U2SURP: variants seen among roughly 807,000 people sequenced by gnomAD.
The protein encoded by U2SURP is U2 snRNP-associated SURP motif-containing protein.
A neutral mutation model predicts 144.9 loss-of-function variants in U2SURP; 9 were observed. The ratio of observed to expected loss-of-function variants is 0.06; its 90% confidence interval spans 0.04 to 0.11. The LOEUF (loss-of-function observed/expected upper bound fraction) is 0.11. Ranked by LOEUF, U2SURP falls within the 10% of genes least tolerant of loss-of-function variation. The pLI, the probability that U2SURP is intolerant of heterozygous loss-of-function variation, is 1.00. For synonymous variants in U2SURP, 408 were observed against 396.8 expected, an observed-to-expected ratio of 1.03 and a Z score of -0.33; for missense variants, 724 against 1,226.7, an observed-to-expected ratio of 0.59 and a Z score of 6.12.
chr3:143,009,638 G>C (rs1279830375), intron 1 of U2SURP, among the ~76,000 whole-genome samples: 1 of 151,890 alleles, frequency 6.6e-6, no homozygotes. Context: ...GATGGGAGGG[G>C]TCCCAGTGCT....
chr3:143,047,537 C>T lies in U2SURP; in HGVS notation c.2545-3402C>T, dbSNP rs1170103762. ...GTAGGGGCGGCCGGGCAGAGGAGCCCCTCACCTCCCGGACGGGGCGGCTGG... is the reference window on the plus strand; with the variant it reads ...GTAGGGGCGGCCGGGCAGAGGAGCCTCTCACCTCCCGGACGGGGCGGCTGG... On this transcript the variant is annotated intron_variant, in intron 24 of 27. Transcript: ENST00000473835. Among the ~76,000 whole-genome samples the T allele has an allele frequency of 5.5e-4, 21 of 38,030 alleles. No homozygotes were observed. The East Asian group carries it at 9.6e-3, about 17-fold the overall frequency. The allele number at this position is 38,030 out of a possible 152,430, so 24.9% of individuals were successfully genotyped here.
At position 143,037,351 on chromosome 3, in the gene U2SURP, A is replaced by C. The variant is rs1433740086; in HGVS notation, c.2221+16A>C. ...GGAGTGCCTTGTAAGTTCAGATTTC[A>C]AACTGATTAAATCTAGCTAATACAT... On this transcript the variant is annotated intron_variant, in intron 21 of 27. Coordinates refer to ENST00000473835, the MANE Select transcript of U2SURP (RefSeq NM_001080415.2). The C allele has an allele frequency of 3.7e-6, 6 of 1,607,248 alleles. No individual in the cohort carries two copies. Among genetic ancestry groups the C allele is most frequent in the Admixed American group, 1.7e-5 (1 of 59,104 alleles).
chr3:143,001,646 A>T lies in U2SURP; in HGVS notation c.18A>T (p.Pro6=), dbSNP rs370308369. 6.2e-7 allele frequency: 1 copy of T among 1,614,052 alleles called. No individual in the cohort carries two copies. Among genetic ancestry groups the T allele is most frequent in the South Asian group, 1.1e-5 (1 of 91,076 alleles). MADKT[P]GGSQKASSKT... is the part of the protein sequence containing the mutation. Reference sequence around the variant, plus strand: ...AGCTCAAGATGGCGGACAAAACGCCAGGCGGATCTCAGAAGGCCAGTTCAA... The same window carrying T: ...AGCTCAAGATGGCGGACAAAACGCCTGGCGGATCTCAGAAGGCCAGTTCAA... Residue 6 remains proline (P), a synonymous_variant, in exon 1 of 28, where the codon CCA becomes CCT. Transcript: ENST00000473835.
intron 18 of U2SURP, 125 bp downstream of exon 18, chr3:143,033,475 G>T: frequency 1.8e-6 from 1 of 562,856 alleles, no homozygotes; most frequent in East Asian, 3.0e-5. Flanking sequence ...CCATGTCTGT[G>T]GGTTCCTTAT....
At chr3:143,017,714 G>A (rs929332149) in intron 6 of U2SURP, among the ~76,000 whole-genome samples, 1 of 151,864 alleles carries the variant, frequency 6.6e-6, no homozygotes, top group African/African-American at 2.4e-5. Context: ...CAACCTCGTA[G>A]GCTCAGGTGG....
At chr3:143,051,096 A>G (rs1274018274) in intron 25 of U2SURP, 47 bp downstream of exon 25, 2 of 1,219,926 alleles carry the variant, frequency 1.6e-6, no homozygotes, top group Non-Finnish European at 1.2e-6. Context: ...GAAGTTATTT[A>G]TTTGACTTCC....
rs978401357 is a variant in U2SURP at position 143,058,806 on chromosome 3, G to A, written c.*2356G>A. On this transcript the variant is annotated 3_prime_UTR_variant, in exon 28 of 28. Transcript: ENST00000473835. ...AAGTTACAGAGCAAAATTTCTATAG[G>A]TTGACTAGAATGTTCATAAGCATGG... 12 of 151,836 alleles carry A rather than the reference G, an allele frequency of 7.9e-5. No individual in the cohort carries two copies. The highest frequency in any genetic ancestry group is 2.9e-4 in the African/African-American group (12 of 41,402). 9.4% of individuals were successfully genotyped at this position (151,836 alleles called of 1,614,324 possible).
At position 143,058,384 on chromosome 3, in the gene U2SURP, T is replaced by G. The variant is rs1414035962; in HGVS notation, c.*1934T>G. ...TTTAGGTCAGTTTTGGGTGCTTATT[T>G]GTAATATTTTTCCTACTACATTGGA... On this transcript the variant is annotated 3_prime_UTR_variant, in exon 28 of 28. Coordinates refer to ENST00000473835, the MANE Select transcript of U2SURP (RefSeq NM_001080415.2). 2 of 151,822 alleles carry G rather than the reference T, an allele frequency of 1.3e-5. No individual in the cohort carries two copies. Among genetic ancestry groups the G allele is most frequent in the African/African-American group, 2.4e-5 (1 of 41,396 alleles). 9.4% of individuals were successfully genotyped at this position (151,822 alleles called of 1,614,324 possible).
At chr3:143,014,267 A>G in intron 3 of U2SURP, 44 bp from the exon 4 acceptor site, 1 of 1,320,758 alleles carries the variant, frequency 7.6e-7, no homozygotes, top group South Asian at 1.4e-5. Context: ...AGTTTTAGAT[A>G]GCATTAAGAA....
chr3:143,054,920 G>C (rs1156392177), intron 26 of U2SURP, 23 bp from the exon 27 acceptor site: 2 of 1,562,474 alleles, frequency 1.3e-6, no homozygotes, highest in Middle Eastern at 1.7e-4. Flanking sequence ...TTTATGGAAT[G>C]TTTTGGGGGC....
At chr3:143,050,709 A>G (rs72990829) in intron 24 of U2SURP, among the ~76,000 whole-genome samples, 196 of 152,302 alleles carry the variant, frequency 1.3e-3, no homozygotes, top group African/African-American at 4.6e-3. Context: ...GAGTTCTTAC[A>G]GCCATGAAGC....
intron 20 of U2SURP, among the ~76,000 whole-genome samples, chr3:143,036,496 G>C (rs1171946442): frequency 6.6e-6 from 1 of 151,744 alleles, no homozygotes; most frequent in Non-Finnish European, 1.5e-5. Context: ...CCATTCTGTT[G>C]TTTTTTTTCT....
intron 23 of U2SURP, among the ~76,000 whole-genome samples, chr3:143,041,150 C>T (rs1207040117): frequency 6.6e-6 from 1 of 151,798 alleles, no homozygotes; most frequent in African/African-American, 2.4e-5. Context: ...GTAACTGTGA[C>T]TCAGTTTAAC....
intron 10 of U2SURP, 39 bp from the exon 11 acceptor site, chr3:143,022,458 C>G (rs1299407345): frequency 7.0e-7 from 1 of 1,419,502 alleles, no homozygotes; most frequent in Non-Finnish European, 9.3e-7. Context: ...TTTCTTTTCC[C>G]TTTTTTGCAT....
At chr3:143,023,291 G>GT (rs1023747131) in intron 12 of U2SURP, 22 of 448,134 alleles carry the variant, frequency 4.9e-5, no homozygotes, top group South Asian at 1.7e-4. Context: ...CACTTGTTAA[G>GT]TTTTTTTTCC....
chr3:143,007,587 G>A (rs769220813), intron 1 of U2SURP, among the ~76,000 whole-genome samples: 116 of 151,902 alleles, frequency 7.6e-4, no homozygotes, highest in Non-Finnish European at 8.2e-4. Flanking sequence ...GACTACAGGT[G>A]CCCGCCACCG....
chr3:143,019,824 A>G (rs1355908238), intron 6 of U2SURP, 145 bp from the exon 7 acceptor site: 7 of 388,480 alleles, frequency 1.8e-5, no homozygotes, highest in Non-Finnish European at 3.2e-5. Context: ...GGGAGGTTCA[A>G]TGATAAGAAA....
intron 1 of U2SURP, among the ~76,000 whole-genome samples, chr3:143,006,817 G>T (rs1356076374): frequency 1.3e-5 from 2 of 152,202 alleles, no homozygotes; most frequent in Non-Finnish European, 2.9e-5. Context: ...AATTAAGGTG[G>T]TGTTATGCTT....
At chr3:143,016,071 G>A (rs1936360187) in intron 4 of U2SURP, among the ~76,000 whole-genome samples, 186 bp from the exon 5 acceptor site, 2 of 152,192 alleles carry the variant, frequency 1.3e-5, no homozygotes, top group Admixed American at 6.5e-5. Flanking sequence ...CGGTAGAGGA[G>A]CAAAGCCTCT....
Sources: allele counts gnomAD v4.1 joint callset (sites outside exome capture counted in the v4.1 genomes callset), GRCh38; gene constraint gnomAD v4.1.1; transcripts MANE v1.5; gene names NCBI Gene and HGNC (gene_info 2026-07-23, HGNC 2026-07-21).